Variants in SNX13 observed in about 807,000 individuals in gnomAD.
The protein encoded by SNX13 is sorting nexin-13.
Under a neutral mutation model 133.6 loss-of-function variants are expected in SNX13, and 45 were observed. The observed-to-expected ratio is 0.34, with a 90% CI of 0.27 to 0.43. SNX13 has a LOEUF of 0.43. Among genes scored for constraint, SNX13 ranks in the 20% least tolerant of loss-of-function variants. The probability of loss-of-function intolerance (pLI) is 1.00; values close to 1 mark genes in which losing one functional copy is unlikely to be tolerated. For missense variants in SNX13, 1,032 were observed against 1,145.1 expected, an observed-to-expected ratio of 0.90 and a Z score of 1.43; for synonymous variants, 414 against 373.9, an observed-to-expected ratio of 1.11 and a Z score of -1.24.
At chr7:17,821,451 T>G in intron 18 of SNX13, 58 bp downstream of exon 18, 2 of 1,482,750 alleles carry the variant, frequency 1.3e-6, no homozygotes, top group Non-Finnish European at 1.8e-6. Flanking sequence ...CTCAGATTTA[T>G]AATCAAAATC....
chr7:17,797,106 T>C (rs1230715323), intron 24 of SNX13, among the ~76,000 whole-genome samples, 167 bp from the exon 25 acceptor site: 1 of 151,820 alleles, frequency 6.6e-6, no homozygotes, highest in Non-Finnish European at 1.5e-5. Flanking sequence ...CAACTAAGTG[T>C]AGGGTTCAAT....
At chr7:17,865,115 A>G (rs568356324) in intron 9 of SNX13, among the ~76,000 whole-genome samples, 2 of 152,344 alleles carry the variant, frequency 1.3e-5, no homozygotes, top group East Asian at 1.9e-4. Context: ...GAGTTTTTCA[A>G]TCTGAAAGAA....
intron 5 of SNX13, chr7:17,882,941 ACT>A (rs765980259): frequency 1.9e-4 from 136 of 703,730 alleles, no homozygotes; most frequent in Non-Finnish European, 2.6e-4. Flanking sequence ...ACAGGGCGAG[ACT>A]CTGTCTCAAA....
intron 1 of SNX13, among the ~76,000 whole-genome samples, chr7:17,915,616 T>C (rs975371183): frequency 2.7e-5 from 4 of 150,918 alleles, no homozygotes; most frequent in African/African-American, 5.0e-5. Flanking sequence ...TGTCTCTGTC[T>C]GTCTGTCTGT....
chr7:17,871,325 GA>G (rs1794097716), intron 8 of SNX13, among the ~76,000 whole-genome samples: 1 of 151,954 alleles, frequency 6.6e-6, no homozygotes, highest in Non-Finnish European at 1.5e-5. Flanking sequence ...TCTTAACAGA[GA>G]AAAAAAGGAC....
chr7:17,917,381 C>T (rs1323966375), intron 1 of SNX13, among the ~76,000 whole-genome samples: 1 of 152,158 alleles, frequency 6.6e-6, no homozygotes, highest in Non-Finnish European at 1.5e-5. Flanking sequence ...TTTCCCTTTG[C>T]TGACCATATG....
At chr7:17,940,262 A>G (rs1481785781) in intron 1 of SNX13, 22 bp downstream of exon 1, 1 of 1,556,972 alleles carries the variant, frequency 6.4e-7, no homozygotes, top group East Asian at 2.4e-5. Context: ...ACAGGTAAAC[A>G]CTGGCCACCG....
rs554705506 is a variant in SNX13, at chr7:17,914,342, T to C, written c.13-16896A>G. On this transcript the variant is annotated intron_variant, in intron 1 of 25. Transcript: ENST00000428135. ...AAATAATTCGGGAAAATTTCACCAA[T>C]CTGTCTATAGAGATCAACATACAGA... Among the ~76,000 whole-genome samples, 6 of 152,296 alleles carry C rather than the reference T, an allele frequency of 3.9e-5. No individual in the cohort carries two copies. The East Asian group carries it at 9.6e-4, about 24-fold the overall frequency.
Position 17,890,379 on chromosome 7 carries a change from T to C in SNX13, c.424A>G (p.Ile142Val), listed in dbSNP as rs2127991734. ...TGTCCTTACCTAGTAGCAAACTGAATGAGTGCGTTTTGAAGAGTCTGCCTA... is the reference window on the plus strand; with the variant it reads ...TGTCCTTACCTAGTAGCAAACTGAACGAGTGCGTTTTGAAGAGTCTGCCTA... ...EIRQTLQNAL[I>V]QFATRSKEID... is the part of the protein sequence containing the mutation. The change falls in exon 5 of 26, where the codon ATT (isoleucine) becomes GTT (valine). Residue 142 changes from isoleucine to valine, a missense_variant. Physicochemically the swap from Ile to Val is conservative, Grantham distance 29 (BLOSUM62 3). Coordinates refer to ENST00000428135, the MANE Select transcript of SNX13 (RefSeq NM_015132.5). The C allele has an allele frequency of 6.2e-7, 1 of 1,611,424 alleles. No homozygotes were observed. Among genetic ancestry groups the C allele is most frequent in the Non-Finnish European group, 8.5e-7 (1 of 1,178,480 alleles).
chr7:17,929,239 G>C (rs993734510), intron 1 of SNX13, among the ~76,000 whole-genome samples: 1 of 152,012 alleles, frequency 6.6e-6, no homozygotes. Context: ...AAGGAATAGA[G>C]AGAGATATAG....
At chr7:17,804,471 G>C (rs1185022471) in intron 20 of SNX13, among the ~76,000 whole-genome samples, 1 of 152,014 alleles carries the variant, frequency 6.6e-6, no homozygotes, top group African/African-American at 2.4e-5. Flanking sequence ...TTGCAAATCA[G>C]ACATGTAAAT....
intron 19 of SNX13, among the ~76,000 whole-genome samples, chr7:17,815,191 T>C (rs1786521511): frequency 6.6e-6 from 1 of 152,176 alleles, no homozygotes; most frequent in Admixed American, 6.6e-5. Context: ...GTGAAAGTTG[T>C]CTGAACATAT....
intron 5 of SNX13, among the ~76,000 whole-genome samples, chr7:17,876,171 A>G (rs1422248788): frequency 6.6e-6 from 1 of 152,258 alleles, no homozygotes; most frequent in Non-Finnish European, 1.5e-5. Context: ...TTGCTTTAAA[A>G]GAGCATTTCA....
At chr7:17,890,327 A>G in intron 5 of SNX13, 36 bp downstream of exon 5, 1 of 1,591,556 alleles carries the variant, frequency 6.3e-7, no homozygotes, top group Non-Finnish European at 8.5e-7. Context: ...CCATACATCT[A>G]AATTTTTCTG....
At chr7:17,807,629 G>A (rs1785466582) in intron 20 of SNX13, among the ~76,000 whole-genome samples, 1 of 152,218 alleles carries the variant, frequency 6.6e-6, no homozygotes, top group Non-Finnish European at 1.5e-5. Context: ...AGGACAGACT[G>A]CCTCCTCATG....
At chr7:17,874,266 A>C (rs1794440545) in intron 7 of SNX13, among the ~76,000 whole-genome samples, 1 of 152,204 alleles carries the variant, frequency 6.6e-6, no homozygotes, top group South Asian at 2.1e-4. Flanking sequence ...TCAAGAGATG[A>C]ACCGCATAGC....
chr7:17,921,051 C>T (rs530250676), intron 1 of SNX13, among the ~76,000 whole-genome samples: 1 of 152,262 alleles, frequency 6.6e-6, no homozygotes, highest in South Asian at 2.1e-4. Flanking sequence ...AAGACTCCAA[C>T]CACTATCAGG....
intron 21 of SNX13, 66 bp downstream of exon 21, chr7:17,803,353 G>C: frequency 7.0e-7 from 1 of 1,422,530 alleles, no homozygotes; most frequent in South Asian, 1.4e-5. Flanking sequence ...AATCCAACCA[G>C]AATTCAATAC....
chr7:17,839,198 T>C (rs1043707983), intron 13 of SNX13, among the ~76,000 whole-genome samples: 34 of 149,388 alleles, frequency 2.3e-4, no homozygotes, highest in African/African-American at 3.2e-4. Flanking sequence ...ATATATTCTA[T>C]AGAATTATAG....
Sources: gnomAD v4.1 joint callset for allele counts (sites outside exome capture counted in the v4.1 genomes callset) on GRCh38, gnomAD v4.1.1 for gene constraint, MANE v1.5 for transcripts, NCBI Gene and HGNC (gene_info 2026-07-23, HGNC 2026-07-21) for gene names.